The following COL15A1 variants were observed in gnomAD, a reference collection of about 807,000 sequenced individuals.
COL15A1 encodes collagen type XV alpha 1 chain.
Under a neutral mutation model 165.9 loss-of-function variants are expected in COL15A1, and 111 were observed. That is an observed-to-expected ratio of 0.67 (90% CI 0.57 to 0.78). The LOEUF is 0.78. COL15A1 is among the 30% of genes least tolerant of loss of function. The probability of loss-of-function intolerance (pLI) is 0.00; values close to 1 mark genes in which losing one functional copy is unlikely to be tolerated. For missense variants in COL15A1, 1,745 were observed against 1,789.7 expected, an observed-to-expected ratio of 0.98 and a Z score of 0.45; for synonymous variants, 659 against 674.8, an observed-to-expected ratio of 0.98 and a Z score of 0.36.
At chr9:98,981,784 C>A (rs1228579815) in intron 2 of COL15A1, among the ~76,000 whole-genome samples, 2 of 152,070 alleles carry the variant, frequency 1.3e-5, no homozygotes, top group African/African-American at 4.8e-5. Context: ...GAGTGGTGGG[C>A]ACATACTTGT....
intron 2 of COL15A1, among the ~76,000 whole-genome samples, chr9:98,984,980 C>T (rs974643881): frequency 2.0e-5 from 3 of 152,176 alleles, no homozygotes; most frequent in Middle Eastern, 3.4e-3. Context: ...TTAGTAGAGA[C>T]GAGGTTTCAC....
rs184630449 is a variant in COL15A1, at chr9:98,974,823, T to C, written c.101-10742T>C. Among the ~76,000 whole-genome samples, 7 of 152,282 alleles carry C rather than the reference T, an allele frequency of 4.6e-5. No individual in the cohort carries two copies. The East Asian group carries it at 1.4e-3, about 29-fold the overall frequency. On this transcript the variant is annotated intron_variant, in intron 2 of 41. Transcript: ENST00000375001. ...CTGACTGAAGTGTGCCGTCGGTCTTTAGAGGCGTGTGTGGGAATGGTAGAA... is the reference window on the plus strand; with the variant it reads ...CTGACTGAAGTGTGCCGTCGGTCTTCAGAGGCGTGTGTGGGAATGGTAGAA...
chr9:98,971,070 T>C (rs1231278201), intron 2 of COL15A1, among the ~76,000 whole-genome samples: 1 of 152,170 alleles, frequency 6.6e-6, no homozygotes, highest in Non-Finnish European at 1.5e-5. Flanking sequence ...GGACTTCTGC[T>C]AAGGCCTCCT....
chr9:98,995,969 G>A (rs1838537311), intron 5 of COL15A1, among the ~76,000 whole-genome samples: 1 of 152,164 alleles, frequency 6.6e-6, no homozygotes, highest in Non-Finnish European at 1.5e-5. Context: ...GGAGAGCTGG[G>A]ATTTGATCCA....
chr9:99,057,953 G>T (rs532938118), intron 35 of COL15A1, among the ~76,000 whole-genome samples: 1 of 152,276 alleles, frequency 6.6e-6, no homozygotes, highest in South Asian at 2.1e-4. Context: ...CAAGCAAAGG[G>T]GAAATGTACT....
At chr9:99,006,798 G>C (rs982083406) in intron 9 of COL15A1, among the ~76,000 whole-genome samples, 1 of 152,252 alleles carries the variant, frequency 6.6e-6, no homozygotes, top group Admixed American at 6.5e-5. Flanking sequence ...TTGACCAGCA[G>C]GGTTGTCTGA....
chr9:99,023,423 C>G lies in COL15A1; in HGVS notation c.1828C>G (p.Leu610Val). Residue 610 changes from leucine to valine, a missense_variant, in exon 14 of 42, where the codon CTG becomes GTG. Transcript: ENST00000375001. ...GSDVGSGSGDLVGSEQLLRGP... is the reference protein window; with the variant it reads ...GSDVGSGSGDVVGSEQLLRGP... ...GGACGTCGGCTCTGGCTCTGGTGAC[C>G]TGGTGGGCAGTGAGCAGCTGCTGAG... 6.6e-7 allele frequency: 1 copy of G among 1,523,184 alleles called. No homozygotes were observed. Among genetic ancestry groups the G allele is most frequent in the South Asian group, 1.1e-5 (1 of 88,842 alleles). The allele number at this position is 1,523,184 out of a possible 1,614,324, so 94.4% of individuals were successfully genotyped here. A position where few individuals can be genotyped will look rare whatever the true frequency, so the allele number is the denominator to read the frequency against.
At chr9:98,974,063 T>C (rs1352015049) in intron 2 of COL15A1, among the ~76,000 whole-genome samples, 2 of 152,148 alleles carry the variant, frequency 1.3e-5, no homozygotes, top group Non-Finnish European at 2.9e-5. Context: ...GGTCAGGATG[T>C]AGAAGTTGAG....
chr9:99,003,187 T>G (rs1051940111), intron 7 of COL15A1, among the ~76,000 whole-genome samples: 1 of 152,230 alleles, frequency 6.6e-6, no homozygotes, highest in African/African-American at 2.4e-5. Flanking sequence ...TAGAAGTATC[T>G]AGAGCTAGAC....
chr9:99,038,397 A>C (rs1464448511), intron 21 of COL15A1, among the ~76,000 whole-genome samples: 1 of 152,238 alleles, frequency 6.6e-6, no homozygotes, highest in South Asian at 2.1e-4. Flanking sequence ...CTGTGGGTGC[A>C]TATAATATGT....
At chr9:98,977,688 A>C (rs1838162757) in intron 2 of COL15A1, among the ~76,000 whole-genome samples, 1 of 144,246 alleles carries the variant, frequency 6.9e-6, no homozygotes, top group Admixed American at 7.2e-5. Flanking sequence ...GCGCCTATCC[A>C]TGTGTCCTGT....
chr9:99,031,445 C>T (rs572322425), intron 16 of COL15A1, among the ~76,000 whole-genome samples: 3 of 152,306 alleles, frequency 2.0e-5, no homozygotes, highest in South Asian at 2.1e-4. Flanking sequence ...CAGCCAGTTC[C>T]GTGAGGAAGG....
intron 11 of COL15A1, among the ~76,000 whole-genome samples, chr9:99,017,620 G>T (rs1033655680): frequency 5.3e-5 from 8 of 152,262 alleles, no homozygotes; most frequent in African/African-American, 1.9e-4. Context: ...GAGACACTGG[G>T]GCTGGGGCTT....
At chr9:98,966,120 G>A (rs1015679553) in intron 2 of COL15A1, among the ~76,000 whole-genome samples, 1 of 152,206 alleles carries the variant, frequency 6.6e-6, no homozygotes. Flanking sequence ...GGAGGGAAGA[G>A]AGAGGACCAT....
At chr9:99,011,827 T>A (rs1464541275) in intron 9 of COL15A1, among the ~76,000 whole-genome samples, 1 of 152,204 alleles carries the variant, frequency 6.6e-6, no homozygotes. Flanking sequence ...AAAACTGCAA[T>A]AGTCATTATT....
At chr9:99,069,538 T>G in intron 41 of COL15A1, 135 bp from the exon 42 acceptor site, 1 of 1,142,044 alleles carries the variant, frequency 8.8e-7, no homozygotes, top group Non-Finnish European at 1.2e-6. Flanking sequence ...GCAAGGGCAA[T>G]GAGGATAGAG....
At chr9:98,970,407 A>C (rs1277819719) in intron 2 of COL15A1, among the ~76,000 whole-genome samples, 1 of 152,244 alleles carries the variant, frequency 6.6e-6, no homozygotes, top group Non-Finnish European at 1.5e-5. Context: ...AATGCAGAAA[A>C]TGTACCCAAA....
intron 16 of COL15A1, among the ~76,000 whole-genome samples, chr9:99,028,661 GA>G (rs1319008836): frequency 6.6e-6 from 1 of 151,234 alleles, no homozygotes; most frequent in Non-Finnish European, 1.5e-5. Context: ...AGAAAAAATT[GA>G]AAAAAGATTG....
At chr9:99,038,150 A>G (rs1839336828) in intron 21 of COL15A1, among the ~76,000 whole-genome samples, 2 of 152,196 alleles carry the variant, frequency 1.3e-5, no homozygotes, top group Non-Finnish European at 2.9e-5. Context: ...AATATGTGTA[A>G]GGGTGTGGGG....
Sources: allele counts gnomAD v4.1 joint callset (sites outside exome capture counted in the v4.1 genomes callset), GRCh38; gene constraint gnomAD v4.1.1; transcripts MANE v1.5; gene names NCBI Gene and HGNC (gene_info 2026-07-23, HGNC 2026-07-21).